The following ARMH3 variants were observed in gnomAD, a reference collection of about 807,000 sequenced individuals.
The protein encoded by ARMH3 is armadillo-like helical domain-containing protein 3.
Under a neutral mutation model 99.1 loss-of-function variants are expected in ARMH3, and 60 were observed. That is an observed-to-expected ratio of 0.61 (90% CI 0.49 to 0.75). The LOEUF (loss-of-function observed/expected upper bound fraction) is 0.75, where lower values mean the gene tolerates loss of function less well. Among genes scored for constraint, ARMH3 ranks in the 30% least tolerant of loss-of-function variants. The probability of loss-of-function intolerance (pLI) is 0.00; values close to 1 mark genes in which losing one functional copy is unlikely to be tolerated. For missense variants in ARMH3, 679 were observed against 843.1 expected, an observed-to-expected ratio of 0.81 and a Z score of 2.41; for synonymous variants, 285 against 292.8, an observed-to-expected ratio of 0.97 and a Z score of 0.27.
At chr10:101,941,745 T>G (rs1258134764) in intron 22 of ARMH3, among the ~76,000 whole-genome samples, 1 of 152,240 alleles carries the variant, frequency 6.6e-6, no homozygotes, top group African/African-American at 2.4e-5. Context: ...CAGGTTTCAC[T>G]GAGTGCATGT....
intron 1 of ARMH3, among the ~76,000 whole-genome samples, chr10:102,055,372 C>T (rs1337281943): frequency 1.3e-5 from 2 of 152,000 alleles, no homozygotes; most frequent in Non-Finnish European, 2.9e-5. Flanking sequence ...TGCGGAGGGT[C>T]GGATGATCCA....
chr10:101,995,036 AAAACAAAC>A (rs956931801), intron 16 of ARMH3, among the ~76,000 whole-genome samples: 23 of 152,212 alleles, frequency 1.5e-4, no homozygotes, highest in African/African-American at 4.3e-4. Flanking sequence ...ACTCCGTCTC[AAAACAAAC>A]AAACAAACAA....
chr10:102,052,446 ACTCTTGAG>A (rs2067730115), intron 1 of ARMH3, among the ~76,000 whole-genome samples: 1 of 151,302 alleles, frequency 6.6e-6, no homozygotes, highest in Non-Finnish European at 1.5e-5. Flanking sequence ...CTAATCTTGA[ACTCTTGAG>A]CTCAAGCAAT....
In ARMH3 at chr10:102,006,641, A is replaced by G; in HGVS notation, c.955-8T>C. ...GCCCATTTCTGGATGGCTCTGAAAA[A>G]GATACACAGATGTGTAAGAAAACAG... On this transcript the variant is annotated splice_region_variant and splice_polypyrimidine_tract_variant and intron_variant, in intron 13 of 25. Coordinates refer to ENST00000370033, the MANE Select transcript of ARMH3 (RefSeq NM_024541.3). The G allele has an allele frequency of 6.2e-7, 1 of 1,612,122 alleles. No homozygotes were observed. The highest frequency in any genetic ancestry group is 8.5e-7 in the Non-Finnish European group (1 of 1,178,270).
chr10:102,038,056 T>C (rs568883944), intron 2 of ARMH3, among the ~76,000 whole-genome samples: 1 of 151,476 alleles, frequency 6.6e-6, no homozygotes, highest in South Asian at 2.1e-4. Context: ...GCAGGAGTTG[T>C]ATACACCAAG....
chr10:102,019,406 A>C (rs1564854094), intron 8 of ARMH3, among the ~76,000 whole-genome samples: 1 of 152,138 alleles, frequency 6.6e-6, no homozygotes, highest in Non-Finnish European at 1.5e-5. Flanking sequence ...TTTAAAAAAA[A>C]AAAAGTTAAC....
chr10:102,029,760 G>A lies in ARMH3; in HGVS notation c.307-15C>T. 1 of 1,605,052 alleles carries A rather than the reference G, an allele frequency of 6.2e-7. No homozygotes were observed. Among genetic ancestry groups the A allele is most frequent in the Non-Finnish European group, 8.5e-7 (1 of 1,173,060 alleles). On this transcript the variant is annotated splice_polypyrimidine_tract_variant and intron_variant, in intron 4 of 25. Coordinates refer to ENST00000370033, the MANE Select transcript of ARMH3 (RefSeq NM_024541.3). ...GCGCACAGGGTCTGCAGAAATGAGA[G>A]AAAGAATTCTTTCTGGAGAGGAAGT...
chr10:101,913,789 A>T (rs942855589), intron 23 of ARMH3, among the ~76,000 whole-genome samples: 3 of 152,194 alleles, frequency 2.0e-5, no homozygotes, highest in African/African-American at 7.2e-5. Context: ...ACTGCACAAA[A>T]GGGAGGGAAC....
intron 1 of ARMH3, among the ~76,000 whole-genome samples, chr10:102,045,028 C>T (rs1020102949): frequency 4.7e-5 from 7 of 148,756 alleles, no homozygotes; most frequent in Non-Finnish European, 7.4e-5. Flanking sequence ...CCCAGATACT[C>T]GGGACGCTGA....
At position 101,889,506 on chromosome 10, in the gene ARMH3, C is replaced by CG; in HGVS notation, c.1782-17dup. Reference sequence around the variant, plus strand: ...GATGATGGCTCTGAAACAAAGAATTCGTATTAATATGGTGCCAGATAGAAG... The same window carrying CG: ...GATGATGGCTCTGAAACAAAGAATTCGGTATTAATATGGTGCCAGATAGAAG... On this transcript the variant is annotated splice_polypyrimidine_tract_variant and intron_variant, in intron 23 of 25. Coordinates refer to ENST00000370033, the MANE Select transcript of ARMH3 (RefSeq NM_024541.3). 6.3e-7 allele frequency: 1 copy of CG among 1,597,164 alleles called. No individual in the cohort carries two copies. Among genetic ancestry groups the CG allele is most frequent in the South Asian group, 1.1e-5 (1 of 90,728 alleles).
intron 1 of ARMH3, 141 bp from the exon 2 acceptor site, chr10:102,040,266 G>T: frequency 1.4e-6 from 1 of 696,196 alleles, no homozygotes; most frequent in Non-Finnish European, 2.4e-6. Flanking sequence ...TGGACTTTGG[G>T]TGGTAACAAT....
intron 23 of ARMH3, among the ~76,000 whole-genome samples, chr10:101,924,047 G>C (rs1372598480): frequency 6.6e-6 from 1 of 152,190 alleles, no homozygotes; most frequent in Non-Finnish European, 1.5e-5. Context: ...GTCAGGAATA[G>C]ATCAAAGCAT....
chr10:101,858,925 A>G (rs889891981), intron 24 of ARMH3, among the ~76,000 whole-genome samples: 3 of 152,250 alleles, frequency 2.0e-5, no homozygotes, highest in African/African-American at 7.2e-5. Context: ...AGGCCCAACC[A>G]AAAAAGAAAG....
Position 101,969,339 on chromosome 10 carries a change from T to C in ARMH3, c.1495+5873A>G, listed in dbSNP as rs1260429088. Among the ~76,000 whole-genome samples, 4 of 152,206 alleles carry C rather than the reference T, an allele frequency of 2.6e-5. No homozygotes were observed. In the East Asian group the frequency reaches 7.7e-4, roughly 29 times the overall value. ...AAACTAAACTAAAAGAAGCACACAA[T>C]GAAAAGTTCAAAGCATAGTTTCTCA... On this transcript the variant is annotated intron_variant, in intron 20 of 25. Transcript: ENST00000370033.
intron 20 of ARMH3, among the ~76,000 whole-genome samples, chr10:101,966,882 G>T (rs1187823910): frequency 2.0e-5 from 3 of 152,154 alleles, no homozygotes; most frequent in Non-Finnish European, 4.4e-5. Context: ...ACAATTAAGT[G>T]GTAGCTCAGG....
At chr10:101,954,631 A>G (rs1844946391) in intron 22 of ARMH3, among the ~76,000 whole-genome samples, 2 of 152,204 alleles carry the variant, frequency 1.3e-5, no homozygotes, top group South Asian at 4.1e-4. Context: ...TCAAAACTCA[A>G]AACTGTACAT....
chr10:101,945,469 G>C (rs1436175238), intron 22 of ARMH3, among the ~76,000 whole-genome samples: 2 of 152,100 alleles, frequency 1.3e-5, no homozygotes, highest in Non-Finnish European at 2.9e-5. Flanking sequence ...TGTAATCCCA[G>C]CACTTTGGGA....
intron 20 of ARMH3, among the ~76,000 whole-genome samples, chr10:101,962,106 G>A (rs534404180): frequency 6.6e-6 from 1 of 152,332 alleles, no homozygotes; most frequent in African/African-American, 2.4e-5. Context: ...TTAACACTGT[G>A]TAAACAGCTT....
Position 101,846,157 on chromosome 10 carries a change from C to G in ARMH3, c.*1371G>C, listed in dbSNP as rs980794495. The G allele has an allele frequency of 2.6e-5, 4 of 152,418 alleles. No individual in the cohort carries two copies. Among genetic ancestry groups the G allele is most frequent in the Non-Finnish European group, 5.9e-5 (4 of 68,060 alleles). 9.4% of individuals were successfully genotyped at this position (152,418 alleles called of 1,614,324 possible). A position where few individuals can be genotyped will look rare whatever the true frequency, so the allele number is the denominator to read the frequency against. Reference sequence around the variant, plus strand: ...AGAATCTGAGCGGACAGAATGGAGGCCTTATGCATGATGCTCACCTGGCCT... The same window carrying G: ...AGAATCTGAGCGGACAGAATGGAGGGCTTATGCATGATGCTCACCTGGCCT... On this transcript the variant is annotated 3_prime_UTR_variant, in exon 26 of 26. Transcript: ENST00000370033.
Sources: gnomAD v4.1 joint callset for allele counts (sites outside exome capture counted in the v4.1 genomes callset) on GRCh38, gnomAD v4.1.1 for gene constraint, MANE v1.5 for transcripts, NCBI Gene and HGNC (gene_info 2026-07-23, HGNC 2026-07-21) for gene names.